Variants in LINS1 observed in about 807,000 individuals in gnomAD.
LINS1 encodes lines homolog 1.
LINS1 carries 27 observed loss-of-function variants against 41.6 expected under a neutral mutation model. That is an observed-to-expected ratio of 0.65 (90% CI 0.48 to 0.89). The LOEUF is 0.89. Among genes scored for constraint, LINS1 ranks in the 40% least tolerant of loss-of-function variants. The pLI, the probability that LINS1 is intolerant of heterozygous loss-of-function variation, is 0.00. For synonymous variants in LINS1, 336 were observed against 312.9 expected, an observed-to-expected ratio of 1.07 and a Z score of -0.78; for missense variants, 955 against 884.1, an observed-to-expected ratio of 1.08 and a Z score of -1.02.
In LINS1 at chr15:100,580,403, T is replaced by G. The variant is rs202195056; in HGVS notation, c.399+41A>C. ...CACTATTGCTGAATGTTCTTAAAAT[T>G]ATTTTAAATATCTACATCTTTAGAA... On this transcript the variant is annotated intron_variant, in intron 2 of 6. Coordinates refer to ENST00000314742, the MANE Select transcript of LINS1 (RefSeq NM_001040616.3). 5 of 1,607,030 alleles carry G rather than the reference T, an allele frequency of 3.1e-6. No homozygotes were observed. In the East Asian group the frequency reaches 1.1e-4, roughly 36 times the overall value.
Position 100,569,905 on chromosome 15 carries a change from T to A in LINS1, c.1607A>T (p.Asp536Val), listed in dbSNP as rs1254249238. 1 of 1,609,510 alleles carries A rather than the reference T, an allele frequency of 6.2e-7. No individual in the cohort carries two copies. The highest frequency in any genetic ancestry group is 8.5e-7 in the Non-Finnish European group (1 of 1,177,332). ...GTTATTGCAAATGGTGAAAAAATTA[T>A]CCCAGTCCTTTTGCAGTAATTTTAA... ...RYLKLLQKDWDNFFTICNNFD... is the reference protein window; with the variant it reads ...RYLKLLQKDWVNFFTICNNFD... The change falls in exon 7 of 7, where the codon GAT (aspartate) becomes GTT (valine). Residue 536 changes from aspartate (D) to valine (V), a missense_variant. By Grantham distance (152) the Asp-to-Val change is radical (BLOSUM62 -3). Coordinates refer to ENST00000314742, the MANE Select transcript of LINS1 (RefSeq NM_001040616.3).
chr15:100,568,257 A>G lies in LINS1; in HGVS notation c.*981T>C, dbSNP rs935769015. ...GTAATATATCGCTTTCTGTGTAAAT[A>G]CCCCAGAAGGAAATAGTAACTGTAT... On this transcript the variant is annotated 3_prime_UTR_variant, in exon 7 of 7. Transcript: ENST00000314742. The G allele has an allele frequency of 5.9e-5, 9 of 152,216 alleles. No individual in the cohort carries two copies. Among genetic ancestry groups the G allele is most frequent in the Non-Finnish European group, 1.3e-4 (9 of 68,042 alleles). The allele number at this position is 152,216 out of a possible 1,614,324, so 9.4% of individuals were successfully genotyped here. A position where few individuals can be genotyped will look rare whatever the true frequency, so the allele number is the denominator to read the frequency against.
Position 100,580,914 on chromosome 15 carries a change from A to T in LINS1, c.-72T>A. The T allele has an allele frequency of 7.2e-7, 1 of 1,387,402 alleles. No homozygotes were observed. Among genetic ancestry groups the T allele is most frequent in the Non-Finnish European group, 1.0e-6 (1 of 1,003,722 alleles). The allele number at this position is 1,387,402 out of a possible 1,614,324, so 85.9% of individuals were successfully genotyped here. On this transcript the variant is annotated 5_prime_UTR_variant, in exon 2 of 7. Transcript: ENST00000314742. ...TGTAAACATTAAATCTCAGAAGTGC[A>T]ATGAATCTCTAAGAAGTTTCTTCAG...
intron 1 of LINS1, among the ~76,000 whole-genome samples, chr15:100,589,756 T>C (rs2038954246): frequency 1.3e-5 from 2 of 152,200 alleles, no homozygotes; most frequent in South Asian, 4.1e-4. Flanking sequence ...TGATGGGCCA[T>C]TTAAGGGATT....
intron 1 of LINS1, among the ~76,000 whole-genome samples, chr15:100,594,667 A>G (rs1375485209): frequency 6.6e-6 from 1 of 152,200 alleles, no homozygotes; most frequent in Non-Finnish European, 1.5e-5. Context: ...TGCTATGTAA[A>G]TATTTGTTAC....
intron 1 of LINS1, among the ~76,000 whole-genome samples, chr15:100,592,120 T>C (rs1381980584): frequency 6.6e-6 from 1 of 152,224 alleles, no homozygotes; most frequent in Admixed American, 6.5e-5. Context: ...AATGGAAACC[T>C]CTAGAGGGTA....
At chr15:100,572,377 A>ATAAATGAG in intron 5 of LINS1, 2 of 1,177,528 alleles carry the variant, frequency 1.7e-6, no homozygotes, top group Non-Finnish European at 1.1e-6. Context: ...AAGCAGATAA[A>ATAAATGAG]TAAATGAGCA....
In LINS1 at chr15:100,569,558, A is replaced by C. The variant is rs746461631; in HGVS notation, c.1954T>G (p.Leu652Val). ...ATCTCCTTAGTTGCTTGCTGGTGTA[A>C]AGATGTCTGTTTACTGTTAGCTAAA... ...QCLANSKQTS[L>V]HQQATKEIQD... Residue 652 changes from leucine to valine, a missense_variant, in exon 7 of 7, where the codon TTA becomes GTA. Physicochemically the swap from Leu to Val is conservative, Grantham distance 32. Transcript: ENST00000314742. 1 of 1,614,132 alleles carries C rather than the reference A, an allele frequency of 6.2e-7. No homozygotes were observed. Among genetic ancestry groups the C allele is most frequent in the East Asian group, 2.2e-5 (1 of 44,880 alleles).
chr15:100,574,243 T>A lies in LINS1; in HGVS notation c.632-2A>T. The A allele has an allele frequency of 6.4e-7, 1 of 1,551,904 alleles. No individual in the cohort carries two copies. The highest frequency in any genetic ancestry group is 8.9e-7 in the Non-Finnish European group (1 of 1,123,538). On this transcript the variant is annotated splice_acceptor_variant, in intron 4 of 6. Transcript: ENST00000314742. LOFTEE classifies it high-confidence loss of function. ...GAGTCAGGAACTGCTTTAGAATTTC[T>A]GCAATTATAAAAATAGGAATTATAA...
intron 1 of LINS1, among the ~76,000 whole-genome samples, chr15:100,582,913 C>T (rs1303591866): frequency 1.3e-5 from 2 of 150,250 alleles, no homozygotes; most frequent in Non-Finnish European, 3.0e-5. Flanking sequence ...TGGTCTTATA[C>T]TGGGTCTTCC....
chr15:100,571,588 A>T (rs2037826379), intron 6 of LINS1, among the ~76,000 whole-genome samples: 2 of 152,348 alleles, frequency 1.3e-5, no homozygotes, highest in South Asian at 4.1e-4. Flanking sequence ...AGGGGTGAAA[A>T]GAGGTCTTAA....
At chr15:100,599,223 T>G (rs2039369851) in intron 1 of LINS1, among the ~76,000 whole-genome samples, 1 of 152,232 alleles carries the variant, frequency 6.6e-6, no homozygotes, top group African/African-American at 2.4e-5. Flanking sequence ...GGAAATGAAG[T>G]GTATCTGTTA....
chr15:100,596,039 GTTCCATTCT>G (rs2039229929), intron 1 of LINS1, among the ~76,000 whole-genome samples: 1 of 152,166 alleles, frequency 6.6e-6, no homozygotes. Flanking sequence ...CTTCCCTTTA[GTTCCATTCT>G]TCACTCTCCT....
At chr15:100,587,072 T>C (rs2038833018) in intron 1 of LINS1, among the ~76,000 whole-genome samples, 2 of 145,910 alleles carry the variant, frequency 1.4e-5, no homozygotes. Context: ...GGCAGCAGAA[T>C]CGCTTGAGCC....
In LINS1 at chr15:100,567,411, G is replaced by A. The variant is rs1372692914; in HGVS notation, c.*1827C>T. ...TTCCACATCAGACCTGTCTCCCAAG[G>A]CAACCACTATTATGACTTTCTTATG... On this transcript the variant is annotated 3_prime_UTR_variant, in exon 7 of 7. Coordinates refer to ENST00000314742, the MANE Select transcript of LINS1 (RefSeq NM_001040616.3). 2 of 152,076 alleles carry A rather than the reference G, an allele frequency of 1.3e-5. No homozygotes were observed. Among genetic ancestry groups the A allele is most frequent in the Non-Finnish European group, 2.9e-5 (2 of 68,026 alleles). The allele number at this position is 152,076 out of a possible 1,614,324, so 9.4% of individuals were successfully genotyped here. A position where few individuals can be genotyped will look rare whatever the true frequency, so the allele number is the denominator to read the frequency against.
At chr15:100,583,626 G>A (rs957069038) in intron 1 of LINS1, among the ~76,000 whole-genome samples, 3 of 152,178 alleles carry the variant, frequency 2.0e-5, no homozygotes, top group African/African-American at 7.2e-5. Context: ...CCAAGAAAGG[G>A]TTAACCAGAA....
intron 3 of LINS1, among the ~76,000 whole-genome samples, chr15:100,578,054 T>C (rs113459488): frequency 5.9e-5 from 9 of 151,994 alleles, no homozygotes; most frequent in Non-Finnish European, 1.2e-4. Context: ...TATGTTAGAC[T>C]TAAAACCATA....
At chr15:100,573,404 G>A in intron 5 of LINS1, 1 of 1,230,788 alleles carries the variant, frequency 8.1e-7, no homozygotes, top group Non-Finnish European at 1.0e-6. Flanking sequence ...TGACTCAACA[G>A]CAACTTTTTT....
chr15:100,569,554 T>C lies in LINS1; in HGVS notation c.1958A>G (p.His653Arg). ...CTGAATCTCCTTAGTTGCTTGCTGG[T>C]GTAAAGATGTCTGTTTACTGTTAGC... ...CLANSKQTSL[H>R]QQATKEIQDA... Residue 653 changes from histidine (H) to arginine (R), a missense_variant, in exon 7 of 7, where the codon CAC (histidine) becomes CGC (arginine). Coordinates refer to ENST00000314742, the MANE Select transcript of LINS1 (RefSeq NM_001040616.3). The C allele has an allele frequency of 1.2e-6, 2 of 1,614,174 alleles. No individual in the cohort carries two copies. The highest frequency in any genetic ancestry group is 1.7e-6 in the Non-Finnish European group (2 of 1,180,024).
Sources: allele counts gnomAD v4.1 joint callset (sites outside exome capture counted in the v4.1 genomes callset), GRCh38; gene constraint gnomAD v4.1.1; transcripts MANE v1.5; gene names NCBI Gene and HGNC (gene_info 2026-07-23, HGNC 2026-07-21).